CTNNA3: variants seen among roughly 807,000 people sequenced by gnomAD.
CTNNA3 encodes catenin alpha 3.
A neutral mutation model predicts 95.7 loss-of-function variants in CTNNA3; 76 were observed. The ratio of observed to expected loss-of-function variants is 0.79; its 90% confidence interval spans 0.66 to 0.96. The LOEUF (loss-of-function observed/expected upper bound fraction) is 0.96, where lower values mean the gene tolerates loss of function less well. Among genes scored for constraint, CTNNA3 ranks in the 40% least tolerant of loss-of-function variants. CTNNA3 has a pLI of 0.00. For synonymous variants in CTNNA3, 431 were observed against 374.4 expected (o/e 1.15, Z -1.74); for missense variants, 1,191 against 1,089.8 (o/e 1.09, Z -1.31).
upstream of CTNNA3, among the ~76,000 whole-genome samples, chr10:67,700,718 C>T (rs984258796): frequency 2.6e-5 from 4 of 152,150 alleles, no homozygotes; most frequent in Non-Finnish European, 1.5e-5. Flanking sequence ...AAGCAGAGCG[C>T]CTCTCCTCCT....
intron 13 of CTNNA3, among the ~76,000 whole-genome samples, chr10:66,121,710 A>T (rs965784345): frequency 6.6e-6 from 1 of 152,054 alleles, no homozygotes; most frequent in Non-Finnish European, 1.5e-5. Flanking sequence ...GCATGGTGGC[A>T]CATGCCTGTG....
At chr10:66,440,929 T>G (rs1355141972) in intron 11 of CTNNA3, among the ~76,000 whole-genome samples, 3 of 152,232 alleles carry the variant, frequency 2.0e-5, no homozygotes, top group Non-Finnish European at 4.4e-5. Flanking sequence ...TCCAACAATG[T>G]GATGTTTATA....
At chr10:67,217,933 G>A (rs74978824) in intron 6 of CTNNA3, among the ~76,000 whole-genome samples, 3,174 of 152,124 alleles carry the variant, frequency 0.021, 107 homozygotes, top group African/African-American at 0.072. Context: ...GTGACAGGTC[G>A]CAGTTAAAAT....
At chr10:66,555,431 C>A (rs761406017) in intron 10 of CTNNA3, among the ~76,000 whole-genome samples, 11 of 152,020 alleles carry the variant, frequency 7.2e-5, no homozygotes, top group Non-Finnish European at 1.2e-4. Flanking sequence ...ATGAGAATGT[C>A]CCATGCAATA....
chr10:66,197,880 A>G (rs1332224366), intron 13 of CTNNA3, among the ~76,000 whole-genome samples: 1 of 152,194 alleles, frequency 6.6e-6, no homozygotes, highest in African/African-American at 2.4e-5. Context: ...TTGAAAAAAT[A>G]AAAATTTCAA....
chr10:67,604,032 C>T (rs1265548699), intron 3 of CTNNA3, among the ~76,000 whole-genome samples: 1 of 152,124 alleles, frequency 6.6e-6, no homozygotes, highest in Non-Finnish European at 1.5e-5. Context: ...ATACTTACCG[C>T]TATGTTATAT....
chr10:66,628,170 T>C (rs1450699650), intron 9 of CTNNA3, among the ~76,000 whole-genome samples: 1 of 152,148 alleles, frequency 6.6e-6, no homozygotes, highest in Admixed American at 6.6e-5. Context: ...TCTATGTAAA[T>C]AAATAAAAAT....
At chr10:67,453,572 A>G (rs549029860) in intron 5 of CTNNA3, among the ~76,000 whole-genome samples, 1 of 152,332 alleles carries the variant, frequency 6.6e-6, no homozygotes, top group Admixed American at 6.5e-5. Flanking sequence ...AACAAACTTC[A>G]CTTTCCCAAA....
At chr10:66,670,666 TCTC>T (rs1468890486) in intron 9 of CTNNA3, among the ~76,000 whole-genome samples, 1 of 152,192 alleles carries the variant, frequency 6.6e-6, no homozygotes, top group Non-Finnish European at 1.5e-5. Context: ...TCTAGGCTAA[TCTC>T]CTTTTTCTTT....
At chr10:67,104,277 T>C (rs1858502457) in intron 7 of CTNNA3, among the ~76,000 whole-genome samples, 1 of 151,746 alleles carries the variant, frequency 6.6e-6, no homozygotes, top group African/African-American at 2.4e-5. Flanking sequence ...TACAGAATAT[T>C]TCCTGTGAGT....
At chr10:65,932,663 C>T (rs1161856603) in intron 17 of CTNNA3, among the ~76,000 whole-genome samples, 5 of 152,090 alleles carry the variant, frequency 3.3e-5, no homozygotes, top group African/African-American at 7.2e-5. Context: ...TTTTGTAGCT[C>T]ATTGAAAAGA....
In CTNNA3 at chr10:67,607,017, A is replaced by G. The variant is rs1564778607; in HGVS notation, c.132T>C (p.Pro44=). 1.2e-6 allele frequency: 2 copies of G among 1,614,080 alleles called. No individual in the cohort carries two copies. Among genetic ancestry groups the G allele is most frequent in the Middle Eastern group, 1.6e-4 (1 of 6,062 alleles). Residue 44 remains proline (P), a synonymous_variant, in exon 3 of 18, where the codon CCT becomes CCC. Coordinates refer to ENST00000433211, the MANE Select transcript of CTNNA3 (RefSeq NM_013266.4). Reference sequence around the variant, plus strand: ...TCGAACGTCCTTTTTTCCTGCTGGAAGGGTTCTGGGGACAGTTTACAAGTG... The same window carrying G: ...TCGAACGTCCTTTTTTCCTGCTGGAGGGGTTCTGGGGACAGTTTACAAGTG... ...VTTLVNCPQN[P]SSRKKGRSKR...
chr10:67,166,264 A>C (rs1861766792), intron 7 of CTNNA3, among the ~76,000 whole-genome samples: 1 of 152,220 alleles, frequency 6.6e-6, no homozygotes. Flanking sequence ...AGTCATTCTT[A>C]AATGCAATTA....
chr10:67,762,901 C>G (rs1280431532), intron 1 of CTNNA3, among the ~76,000 whole-genome samples: 1 of 152,046 alleles, frequency 6.6e-6, no homozygotes, highest in East Asian at 1.9e-4. Flanking sequence ...CCCTGCTTGC[C>G]CAATTGATCA....
chr10:67,364,644 A>G (rs1184307992), intron 5 of CTNNA3, among the ~76,000 whole-genome samples: 2 of 152,220 alleles, frequency 1.3e-5, no homozygotes, highest in Non-Finnish European at 1.5e-5. Flanking sequence ...AAAGAGAATA[A>G]AATCTAGGAA....
chr10:66,549,844 A>C (rs2132104087), intron 10 of CTNNA3, among the ~76,000 whole-genome samples: 1 of 152,248 alleles, frequency 6.6e-6, no homozygotes, highest in East Asian at 1.9e-4. Context: ...CACACCTCGT[A>C]TGATTCTTTT....
At chr10:67,359,451 T>A (rs1466994022) in intron 5 of CTNNA3, among the ~76,000 whole-genome samples, 1 of 152,046 alleles carries the variant, frequency 6.6e-6, no homozygotes, top group East Asian at 1.9e-4. Flanking sequence ...CTCGATGAGA[T>A]TCAAGAAAAA....
At chr10:67,522,391 G>T (rs928732519) in intron 4 of CTNNA3, among the ~76,000 whole-genome samples, 1 of 152,058 alleles carries the variant, frequency 6.6e-6, no homozygotes, top group Non-Finnish European at 1.5e-5. Flanking sequence ...TTGCTTACAC[G>T]ATATTTTGCT....
chr10:67,037,872 A>G (rs1200532407), intron 7 of CTNNA3, among the ~76,000 whole-genome samples: 1 of 152,156 alleles, frequency 6.6e-6, no homozygotes, highest in African/African-American at 2.4e-5. Context: ...GATATTATGG[A>G]AACCCAGAGA....
Sources: allele counts gnomAD v4.1 joint callset (sites outside exome capture counted in the v4.1 genomes callset), GRCh38; gene constraint gnomAD v4.1.1; transcripts MANE v1.5; gene names NCBI Gene and HGNC (gene_info 2026-07-23, HGNC 2026-07-21).